Variants in RPS6KC1 observed in about 807,000 individuals in gnomAD.
RPS6KC1 encodes inactive ribosomal protein S6 kinase delta-1.
RPS6KC1 carries 54 observed loss-of-function variants against 103.8 expected under a neutral mutation model. The observed-to-expected ratio is 0.52, with a 90% CI of 0.42 to 0.65. RPS6KC1 has a LOEUF of 0.65. Ranked by LOEUF, RPS6KC1 falls within the 30% of genes least tolerant of loss-of-function variation. The pLI is 0.00. For missense variants in RPS6KC1, 1,151 were observed against 1,253.8 expected, an observed-to-expected ratio of 0.92 and a Z score of 1.24; for synonymous variants, 439 against 438.7, an observed-to-expected ratio of 1.00 and a Z score of -0.01.
At chr1:213,185,059 G>C (rs992558590) in intron 8 of RPS6KC1, among the ~76,000 whole-genome samples, 1 of 152,152 alleles carries the variant, frequency 6.6e-6, no homozygotes, top group Non-Finnish European at 1.5e-5. Flanking sequence ...TGGATGATCT[G>C]TCCATTACTG....
chr1:213,598,146 A>G, the RPS6KC1 span, among the ~76,000 whole-genome samples: 5 of 152,232 alleles, frequency 3.3e-5, no homozygotes, highest in African/African-American at 9.6e-5. Context: ...CATGTGAGAA[A>G]GCATATCTTT....
chr1:213,376,235 T>G, the RPS6KC1 span, among the ~76,000 whole-genome samples: 15 of 152,186 alleles, frequency 9.9e-5, no homozygotes, highest in Non-Finnish European at 1.9e-4. Context: ...TAACTGAGAT[T>G]AAACTGTATG....
chr1:213,132,396 G>T (rs1433134212), intron 6 of RPS6KC1, among the ~76,000 whole-genome samples: 2 of 152,130 alleles, frequency 1.3e-5, no homozygotes, highest in Non-Finnish European at 2.9e-5. Flanking sequence ...CACAATCATA[G>T]AATTCTAATT....
the RPS6KC1 span, among the ~76,000 whole-genome samples, chr1:213,513,253 T>C: frequency 2.6e-5 from 4 of 152,180 alleles, no homozygotes; most frequent in Admixed American, 2.0e-4. Context: ...AATTCGTTCA[T>C]AGAGCCTCCA....
the RPS6KC1 span, among the ~76,000 whole-genome samples, chr1:213,537,874 A>G: frequency 6.6e-6 from 1 of 152,166 alleles, no homozygotes; most frequent in East Asian, 1.9e-4. Flanking sequence ...GTATATATCT[A>G]TTGGCTCTTA....
chr1:213,818,495 C>T, the RPS6KC1 span: 3 of 152,184 alleles, frequency 2.0e-5, no homozygotes, highest in Non-Finnish European at 4.4e-5. Context: ...AAGCCTAATC[C>T]AAAAAATTCG....
chr1:213,624,097 A>C, the RPS6KC1 span, among the ~76,000 whole-genome samples: 1 of 152,196 alleles, frequency 6.6e-6, no homozygotes, highest in Non-Finnish European at 1.5e-5. Context: ...CGCAGGGCAG[A>C]GCCAGAGCCT....
At chr1:213,118,358 A>C (rs1255141261) in intron 5 of RPS6KC1, among the ~76,000 whole-genome samples, 4 of 152,112 alleles carry the variant, frequency 2.6e-5, no homozygotes, top group African/African-American at 9.7e-5. Flanking sequence ...TTTTAAAATC[A>C]AAATAGATAA....
chr1:213,140,950 G>C (rs1286967430), intron 6 of RPS6KC1, among the ~76,000 whole-genome samples: 9 of 148,672 alleles, frequency 6.1e-5, no homozygotes, highest in African/African-American at 2.2e-4. Flanking sequence ...AGGTGGGAGT[G>C]CAATGGCGTG....
chr1:213,861,841 G>A, the RPS6KC1 span, among the ~76,000 whole-genome samples: 29 of 152,182 alleles, frequency 1.9e-4, no homozygotes, highest in Admixed American at 9.8e-4. Flanking sequence ...CTGCCCTGCC[G>A]GTGTTTGACA....
intron 8 of RPS6KC1, among the ~76,000 whole-genome samples, chr1:213,214,152 C>A (rs1377984406): frequency 6.6e-6 from 1 of 152,222 alleles, no homozygotes; most frequent in Non-Finnish European, 1.5e-5. Context: ...ACAGATGGCA[C>A]CTGGAAAATT....
chr1:213,460,244 T>C, the RPS6KC1 span, among the ~76,000 whole-genome samples: 10 of 152,202 alleles, frequency 6.6e-5, no homozygotes, highest in Non-Finnish European at 1.2e-4. Flanking sequence ...GAACTTGTTT[T>C]ATGAATCTGG....
At chr1:213,724,515 G>C in the RPS6KC1 span, among the ~76,000 whole-genome samples, 14 of 152,178 alleles carry the variant, frequency 9.2e-5, no homozygotes, top group Non-Finnish European at 2.1e-4. Context: ...TGGCTGGCTG[G>C]CAGCAAACAA....
At chr1:213,653,190 G>A in the RPS6KC1 span, among the ~76,000 whole-genome samples, 4 of 152,194 alleles carry the variant, frequency 2.6e-5, no homozygotes, top group Admixed American at 2.6e-4. Flanking sequence ...TGGGTGCAGT[G>A]GCTTATGCCT....
chr1:213,107,051 C>T (rs61834104), intron 4 of RPS6KC1, among the ~76,000 whole-genome samples: 2 of 152,122 alleles, frequency 1.3e-5, no homozygotes, highest in Non-Finnish European at 2.9e-5. Context: ...AAGCTATTCT[C>T]CTGCCTCGGC....
chr1:213,804,200 A>C, the RPS6KC1 span, among the ~76,000 whole-genome samples: 3 of 80,260 alleles, frequency 3.7e-5, no homozygotes, highest in Non-Finnish European at 6.6e-5. Context: ...AAAAAAAAAC[A>C]ACCCTTTCTC....
chr1:213,292,097 T>A, the RPS6KC1 span, among the ~76,000 whole-genome samples: 1 of 151,758 alleles, frequency 6.6e-6, no homozygotes, highest in Non-Finnish European at 1.5e-5. Context: ...CTGGGGACTG[T>A]TGAGGGGTGG....
chr1:213,272,446 T>C, intron 14 of RPS6KC1, 78 bp from the exon 15 acceptor site: 1 of 1,104,338 alleles, frequency 9.1e-7, no homozygotes, highest in Non-Finnish European at 1.4e-6. Context: ...AATTTAGAAG[T>C]TGTTTCTTTT....
chr1:213,232,170 C>T lies in RPS6KC1; in HGVS notation c.1140C>T (p.Ile380=), dbSNP rs2094119708. ...SEYSRNRKTI[I]PRCVPNMVCL... ...ACAGCAGGAACAGAAAGACCATCAT[C>T]CCCCGCTGTGTGCCCAACATGGTGT... The change falls in exon 10 of 15, where the codon ATC becomes ATT. Residue 380 remains isoleucine, a synonymous_variant. Transcript: ENST00000366960. 8 of 1,613,970 alleles carry T rather than the reference C, an allele frequency of 5.0e-6. No homozygotes were observed. The highest frequency in any genetic ancestry group is 6.8e-6 in the Non-Finnish European group (8 of 1,179,880).
Sources: gnomAD v4.1 joint callset for allele counts (sites outside exome capture counted in the v4.1 genomes callset) on GRCh38, gnomAD v4.1.1 for gene constraint, MANE v1.5 for transcripts, NCBI Gene and HGNC (gene_info 2026-07-23, HGNC 2026-07-21) for gene names.